The following CCDC85C variants were observed in gnomAD, a reference collection of about 807,000 sequenced individuals.
CCDC85C encodes coiled-coil domain-containing protein 85C.
In CCDC85C, 18 loss-of-function variants were observed where a neutral mutation model predicts 38.3. That is an observed-to-expected ratio of 0.47 (90% CI 0.33 to 0.70). The LOEUF is 0.70. CCDC85C is among the 30% of genes least tolerant of loss of function. The pLI is 0.03. For missense variants in CCDC85C, 566 were observed against 621.2 expected, an observed-to-expected ratio of 0.91 and a Z score of 0.94; for synonymous variants, 264 against 293.8, an observed-to-expected ratio of 0.90 and a Z score of 1.04.
rs1163398477 is a variant in CCDC85C at position 99,558,502 on chromosome 14, T to A, written c.794-22414A>T. On this transcript the variant is annotated intron_variant, in intron 1 of 5. Coordinates refer to ENST00000380243, the MANE Select transcript of CCDC85C (RefSeq NM_001144995.2). The surrounding 1 kb of genome is among the most constrained non-coding windows in gnomAD (Gnocchi z 4.2). The stretch of plus-strand genomic sequence containing the variant: ...TGGGCGTGGTGGCAGTTGCCTGTAA[T>A]CCCAGCTACTCGGGAGGCTGAGGCA... Among the ~76,000 whole-genome samples, 3 of 152,104 alleles carry A rather than the reference T, an allele frequency of 2.0e-5. No homozygotes were observed. The highest frequency in any genetic ancestry group is 7.2e-5 in the African/African-American group (3 of 41,398).
chr14:99,536,930 A>G (rs1332626346), intron 1 of CCDC85C, among the ~76,000 whole-genome samples: 1 of 152,158 alleles, frequency 6.6e-6, no homozygotes, highest in Non-Finnish European at 1.5e-5. Flanking sequence ...CTCAGCTGCC[A>G]GGATGCCCAG....
Position 99,511,465 on chromosome 14 carries a change from C to T in CCDC85C, c.*3781G>A, listed in dbSNP as rs1897129613. ...CATACTGTGAATTCCATCTTGGTTA[C>T]AAATGAGACTCCTTCAGTCAGTTAT... On this transcript the variant is annotated 3_prime_UTR_variant, in exon 6 of 6. Coordinates refer to ENST00000380243, the MANE Select transcript of CCDC85C (RefSeq NM_001144995.2). 1.3e-5 allele frequency: 2 copies of T among 152,560 alleles called. No individual in the cohort carries two copies. The highest frequency in any genetic ancestry group is 4.8e-5 in the African/African-American group (2 of 41,464). The allele number at this position is 152,560 out of a possible 1,614,324, so 9.5% of individuals were successfully genotyped here. A position where few individuals can be genotyped will look rare whatever the true frequency, so the allele number is the denominator to read the frequency against.
intron 1 of CCDC85C, among the ~76,000 whole-genome samples, chr14:99,583,881 C>G (rs1439173080): frequency 2.0e-5 from 3 of 150,714 alleles, no homozygotes; most frequent in Non-Finnish European, 2.9e-5. Flanking sequence ...ACTGCACACA[C>G]AGAGAAATGA....
At chr14:99,598,637 C>T (rs2055168657) in intron 1 of CCDC85C, among the ~76,000 whole-genome samples, 1 of 152,180 alleles carries the variant, frequency 6.6e-6, no homozygotes, top group African/African-American at 2.4e-5. Flanking sequence ...TCACCGCTCC[C>T]CTGGAACTCT....
chr14:99,543,566 C>A (rs533764376), intron 1 of CCDC85C, among the ~76,000 whole-genome samples: 4 of 152,240 alleles, frequency 2.6e-5, no homozygotes, highest in African/African-American at 9.6e-5. Flanking sequence ...AGGTGACACT[C>A]GAGCTGAGCA....
intron 1 of CCDC85C, among the ~76,000 whole-genome samples, chr14:99,559,151 A>G (rs1566773563): frequency 6.6e-6 from 1 of 152,026 alleles, no homozygotes. Context: ...AACCTCTTTT[A>G]TTTATAAATT....
In CCDC85C at chr14:99,503,091, G is replaced by A. The variant is rs1187749743; in HGVS notation, c.*12155C>T. Reference sequence around the variant, plus strand: ...GAGCACAGGGAACACCGGAAGCAGGGGGTGTTCGCCGAAACTCGCAGTCCG... The same window carrying A: ...GAGCACAGGGAACACCGGAAGCAGGAGGTGTTCGCCGAAACTCGCAGTCCG... On this transcript the variant is annotated 3_prime_UTR_variant, in exon 6 of 6. Coordinates refer to ENST00000380243, the MANE Select transcript of CCDC85C (RefSeq NM_001144995.2). 1 of 1,305,772 alleles carries A rather than the reference G, an allele frequency of 7.7e-7. No individual in the cohort carries two copies. 80.9% of individuals were successfully genotyped at this position (1,305,772 alleles called of 1,614,324 possible).
At chr14:99,557,024 T>G (rs1898024731) in intron 1 of CCDC85C, among the ~76,000 whole-genome samples, 1 of 152,218 alleles carries the variant, frequency 6.6e-6, no homozygotes, top group African/African-American at 2.4e-5. Flanking sequence ...TTTCTGTAAG[T>G]TTTAATTCAT....
intron 1 of CCDC85C, among the ~76,000 whole-genome samples, chr14:99,601,550 T>G (rs1351373085): frequency 6.6e-6 from 1 of 152,160 alleles, no homozygotes; most frequent in East Asian, 1.9e-4. Context: ...CATTTCACTT[T>G]CCAGCCACGA....
chr14:99,560,786 G>A (rs1283839686), intron 1 of CCDC85C, among the ~76,000 whole-genome samples: 7 of 152,220 alleles, frequency 4.6e-5, no homozygotes, highest in Admixed American at 6.5e-5. Context: ...AACACCAAGC[G>A]AGCAGGTTTG....
chr14:99,547,703 G>A (rs1897832112), intron 1 of CCDC85C, among the ~76,000 whole-genome samples: 1 of 152,010 alleles, frequency 6.6e-6, no homozygotes, highest in South Asian at 2.1e-4. Flanking sequence ...GAACTCAGGA[G>A]GCGGAGGTTG....
At position 99,560,772 on chromosome 14, in the gene CCDC85C, G is replaced by A. The variant is rs543522713; in HGVS notation, c.794-24684C>T. Among the ~76,000 whole-genome samples, 73 of 152,336 alleles carry A rather than the reference G, an allele frequency of 4.8e-4. 1 individual carries two copies. Among genetic ancestry groups the A allele is most frequent in the African/African-American group, 1.7e-3 (71 of 41,584 alleles). ...AGAGAGTGGCCGCCTGGGCGGAGTC[G>A]CAGAACACCAAGCGAGCAGGTTTGT... On this transcript the variant is annotated intron_variant, in intron 1 of 5. Coordinates refer to ENST00000380243, the MANE Select transcript of CCDC85C (RefSeq NM_001144995.2).
intron 1 of CCDC85C, chr14:99,579,960 G>C (rs761646484): frequency 2.3e-6 from 1 of 439,174 alleles, no homozygotes; most frequent in Non-Finnish European, 4.6e-6. Flanking sequence ...TCTTGGCCAG[G>C]GTAGGGCATT....
At position 99,503,326 on chromosome 14, in the gene CCDC85C, G is replaced by A. The variant is rs1057250167; in HGVS notation, c.*11920C>T. 63 of 601,378 alleles carry A rather than the reference G, an allele frequency of 1.0e-4. No individual in the cohort carries two copies. Among genetic ancestry groups the A allele is most frequent in the South Asian group, 7.4e-4 (38 of 51,524 alleles). 37.3% of individuals were successfully genotyped at this position (601,378 alleles called of 1,614,324 possible). On this transcript the variant is annotated 3_prime_UTR_variant, in exon 6 of 6. Coordinates refer to ENST00000380243, the MANE Select transcript of CCDC85C (RefSeq NM_001144995.2). Reference sequence around the variant, plus strand: ...GCTGCCTGACCCCAAACAGTGGACCGTTTCCTGCACCCAAGTGGTCCTGAA... The same window carrying A: ...GCTGCCTGACCCCAAACAGTGGACCATTTCCTGCACCCAAGTGGTCCTGAA...
At chr14:99,587,716 G>C (rs2055041951) in intron 1 of CCDC85C, among the ~76,000 whole-genome samples, 1 of 152,092 alleles carries the variant, frequency 6.6e-6, no homozygotes, top group Non-Finnish European at 1.5e-5. Context: ...CGGCCAAGCA[G>C]GGACCCTGGA....
chr14:99,568,374 G>A (rs951792754), intron 1 of CCDC85C, among the ~76,000 whole-genome samples: 10 of 151,680 alleles, frequency 6.6e-5, no homozygotes, highest in Non-Finnish European at 1.2e-4. Flanking sequence ...CTGGAGTGGT[G>A]GGGCCCCAGG....
In CCDC85C at chr14:99,516,379, G is replaced by A. The variant is rs564789922; in HGVS notation, c.1072-93C>T. ...CCTGATCCTCAGCCTCCCCTGCTGC[G>A]AACCAAAGCTGAGGACCCTGAGCCG... On this transcript the variant is annotated intron_variant, in intron 4 of 5. Transcript: ENST00000380243. The surrounding 1 kb of genome is among the most constrained non-coding windows in gnomAD (Gnocchi z 5.5). The A allele has an allele frequency of 3.9e-4, 370 of 938,954 alleles. 1 individual carries two copies. Among genetic ancestry groups the A allele is most frequent in the Non-Finnish European group, 4.9e-4 (296 of 602,652 alleles). The allele number at this position is 938,954 out of a possible 1,614,324, so 58.2% of individuals were successfully genotyped here.
intron 1 of CCDC85C, among the ~76,000 whole-genome samples, chr14:99,550,436 A>T (rs1897886481): frequency 6.6e-6 from 1 of 152,150 alleles, no homozygotes; most frequent in Admixed American, 6.6e-5. Flanking sequence ...AGCCCTGCTG[A>T]TGCCTTGATT....
intron 1 of CCDC85C, among the ~76,000 whole-genome samples, chr14:99,591,581 T>G (rs1205571317): frequency 6.6e-6 from 1 of 152,112 alleles, no homozygotes; most frequent in Non-Finnish European, 1.5e-5. Context: ...GGGGGCCACC[T>G]GAGGGCCTGC....
Sources: allele counts gnomAD v4.1 joint callset (sites outside exome capture counted in the v4.1 genomes callset), GRCh38; gene constraint gnomAD v4.1.1; non-coding constraint Gnocchi (gnomAD v3.1); transcripts MANE v1.5; gene names NCBI Gene and HGNC (gene_info 2026-07-23, HGNC 2026-07-21).